Variants in NFIA observed in about 807,000 individuals in gnomAD.
The protein encoded by NFIA is nuclear factor I A.
In NFIA, 8 loss-of-function variants were observed where a neutral mutation model predicts 62.8. The ratio of observed to expected loss-of-function variants is 0.13; its 90% CI spans 0.07 to 0.23. NFIA has a LOEUF of 0.23. NFIA is among the 10% of genes least tolerant of loss of function. NFIA has a pLI of 1.00. For synonymous variants in NFIA, 235 were observed against 238.1 expected (o/e 0.99, Z 0.12); for missense variants, 410 against 642.1 (o/e 0.64, Z 3.91).
At chr1:61,252,870 G>A in intron 2 of NFIA, among the ~76,000 whole-genome samples, 1 of 152,124 alleles carries the variant, frequency 6.6e-6, no homozygotes, top group East Asian at 1.9e-4. Context: ...TACTGGATAA[G>A]GTAACTTCTA....
chr1:61,462,077 C>G lies in NFIA; in HGVS notation c.*6757C>G, dbSNP rs1424657363. ...TTTTGTTTGTTTTTTTTTCTTTTGA[C>G]ATTGCAACCGAAGGTCATAAGGCCG... On this transcript the variant is annotated 3_prime_UTR_variant, in exon 11 of 11. Transcript: ENST00000403491. The G allele has an allele frequency of 1.4e-5, 1 of 70,216 alleles. No individual in the cohort carries two copies. Among genetic ancestry groups the G allele is most frequent in the East Asian group, 4.5e-4 (1 of 2,200 alleles). The allele number at this position is 70,216 out of a possible 1,614,324, so 4.3% of individuals were successfully genotyped here. A position where few individuals can be genotyped will look rare whatever the true frequency, so the allele number is the denominator to read the frequency against.
At chr1:61,396,398 C>T (rs1258304548) in intron 7 of NFIA, among the ~76,000 whole-genome samples, 1 of 152,074 alleles carries the variant, frequency 6.6e-6, no homozygotes, top group Non-Finnish European at 1.5e-5. Flanking sequence ...GCACCTGCCA[C>T]CACACCTGGC....
At chr1:61,282,426 C>T (rs780283863) in intron 3 of NFIA, among the ~76,000 whole-genome samples, 1 of 152,192 alleles carries the variant, frequency 6.6e-6, no homozygotes, top group African/African-American at 2.4e-5. Flanking sequence ...CCATGACATA[C>T]TTTGGTTACT....
At chr1:61,122,928 C>T (rs1646910905) in intron 2 of NFIA, among the ~76,000 whole-genome samples, 1 of 152,146 alleles carries the variant, frequency 6.6e-6, no homozygotes, top group African/African-American at 2.4e-5. Context: ...CCCCACCCAG[C>T]CCAAGCTCTT....
intron 2 of NFIA, among the ~76,000 whole-genome samples, chr1:61,180,959 T>C (rs1348587263): frequency 6.6e-6 from 1 of 152,212 alleles, no homozygotes; most frequent in Non-Finnish European, 1.5e-5. Context: ...AGAGGGTCGG[T>C]TGACTCTTCT....
chr1:61,088,726 C>T lies in NFIA; in HGVS notation c.559+46C>T, dbSNP rs1240049915. 6.4e-7 allele frequency: 1 copy of T among 1,568,616 alleles called. No homozygotes were observed. Among genetic ancestry groups the T allele is most frequent in the East Asian group, 2.2e-5 (1 of 44,496 alleles). On this transcript the variant is annotated intron_variant, in intron 2 of 10. Coordinates refer to ENST00000403491, the MANE Select transcript of NFIA (RefSeq NM_001134673.4). The surrounding 1 kb of genome is among the most constrained non-coding windows in gnomAD (Gnocchi z 4.5). ...TCCTCCCACTTTCTTGTGTGTGTTT[C>T]TTTCCTGATGGCCTCCGCGTTATGC...
At chr1:61,305,762 A>G (rs191426264) in intron 3 of NFIA, among the ~76,000 whole-genome samples, 11 of 152,240 alleles carry the variant, frequency 7.2e-5, no homozygotes, top group South Asian at 2.1e-4. Context: ...CTTGGTTAGT[A>G]AAAGAATATG....
At chr1:61,220,070 G>A (rs1216408074) in intron 2 of NFIA, among the ~76,000 whole-genome samples, 1 of 152,200 alleles carries the variant, frequency 6.6e-6, no homozygotes, top group Non-Finnish European at 1.5e-5. Flanking sequence ...GCCAATGATA[G>A]GGAGGCATGT....
In NFIA at chr1:61,083,668, AGGCCGCG is replaced by A. The variant is rs970477078; in HGVS notation, c.27+863_27+869del. Among the ~76,000 whole-genome samples, 20 of 151,470 alleles carry A rather than the reference AGGCCGCG, an allele frequency of 1.3e-4. No homozygotes were observed. In the South Asian group the frequency reaches 1.9e-3, roughly 14 times the overall value. On this transcript the variant is annotated intron_variant, in intron 1 of 10. Transcript: ENST00000403491. ...CGTTGTGCAGGGCGCCGAACGCCGG[AGGCCGCG>A]GGCCGCGGGCCGGGTAGCGCCGGGC...
chr1:61,231,778 G>T (rs1246590020), intron 2 of NFIA, among the ~76,000 whole-genome samples: 2 of 152,022 alleles, frequency 1.3e-5, no homozygotes, highest in African/African-American at 4.8e-5. Context: ...ACAGTGAGCT[G>T]TGATTGTAAC....
intron 2 of NFIA, among the ~76,000 whole-genome samples, chr1:61,269,106 G>A (rs1313165125): frequency 2.0e-5 from 3 of 151,606 alleles, no homozygotes; most frequent in South Asian, 2.1e-4. Flanking sequence ...TGTCTAGGAA[G>A]ACAAGCTAAA....
chr1:61,237,376 G>C (rs1254420932), intron 2 of NFIA, among the ~76,000 whole-genome samples: 1 of 152,138 alleles, frequency 6.6e-6, no homozygotes, highest in Non-Finnish European at 1.5e-5. Flanking sequence ...TTAAACAGAA[G>C]GTAATATGAG....
At chr1:61,110,478 C>T (rs1385592295) in intron 2 of NFIA, among the ~76,000 whole-genome samples, 1 of 151,938 alleles carries the variant, frequency 6.6e-6, no homozygotes, top group Non-Finnish European at 1.5e-5. Flanking sequence ...TATATACACA[C>T]ACACGTATCA....
intron 2 of NFIA, chr1:61,251,026 T>C (rs1378341623): frequency 1.3e-5 from 2 of 152,228 alleles, no homozygotes; most frequent in African/African-American, 2.4e-5. Flanking sequence ...ATTTTCACTT[T>C]TGTCCCATCC....
At chr1:61,291,858 T>C (rs1413498088) in intron 3 of NFIA, among the ~76,000 whole-genome samples, 1 of 152,228 alleles carries the variant, frequency 6.6e-6, no homozygotes, top group Non-Finnish European at 1.5e-5. Flanking sequence ...TATGATATAC[T>C]ACATAATATA....
intron 4 of NFIA, among the ~76,000 whole-genome samples, chr1:61,339,592 A>G (rs571243977): frequency 6.6e-6 from 1 of 152,326 alleles, no homozygotes; most frequent in East Asian, 1.9e-4. Context: ...TAAATTTTCA[A>G]AATAAATATT....
chr1:61,392,484 G>A (rs978975510), intron 7 of NFIA, among the ~76,000 whole-genome samples: 3 of 152,006 alleles, frequency 2.0e-5, no homozygotes, highest in African/African-American at 4.8e-5. Flanking sequence ...ACTGCCTAGT[G>A]GAACTATCCT....
intron 6 of NFIA, among the ~76,000 whole-genome samples, chr1:61,382,131 G>T (rs2100483562): frequency 6.6e-6 from 1 of 152,246 alleles, no homozygotes; most frequent in African/African-American, 2.4e-5. Context: ...GCCCAAATTT[G>T]TCCCCTGATG....
chr1:61,444,497 G>T (rs572442566), intron 10 of NFIA, among the ~76,000 whole-genome samples: 1 of 152,304 alleles, frequency 6.6e-6, no homozygotes, highest in East Asian at 1.9e-4. Flanking sequence ...ACATGTAAAT[G>T]AGGCTCCGTT....
Sources: allele counts gnomAD v4.1 joint callset (sites outside exome capture counted in the v4.1 genomes callset), GRCh38; gene constraint gnomAD v4.1.1; non-coding constraint Gnocchi (gnomAD v3.1); transcripts MANE v1.5; gene names NCBI Gene and HGNC (gene_info 2026-07-23, HGNC 2026-07-21).